Variants in LRRC4C observed in about 807,000 individuals in gnomAD.
The protein encoded by LRRC4C is leucine rich repeat containing 4C.
A neutral mutation model predicts 33.6 loss-of-function variants in LRRC4C; 5 were observed. That is an observed-to-expected ratio of 0.15 (90% CI 0.08 to 0.31). The LOEUF (loss-of-function observed/expected upper bound fraction) is 0.31. Among genes scored for constraint, LRRC4C ranks in the 10% least tolerant of loss-of-function variants. LRRC4C has a pLI of 1.00. For synonymous variants in LRRC4C, 329 were observed against 302.0 expected (o/e 1.09, Z -0.93); for missense variants, 560 against 796.7 (o/e 0.70, Z 3.58).
At chr11:40,457,874 C>G (rs1312008759) in intron 3 of LRRC4C, among the ~76,000 whole-genome samples, 1 of 152,118 alleles carries the variant, frequency 6.6e-6, no homozygotes, top group Non-Finnish European at 1.5e-5. Flanking sequence ...GCAGAAGTCT[C>G]TGTTTTTCTT....
chr11:40,512,296 C>A (rs1321098105), intron 3 of LRRC4C, among the ~76,000 whole-genome samples: 1 of 152,128 alleles, frequency 6.6e-6, no homozygotes, highest in African/African-American at 2.4e-5. Flanking sequence ...ATTGCTTCAA[C>A]CCTGGAGGCA....
At chr11:40,964,452 G>A (rs918235044) in intron 1 of LRRC4C, among the ~76,000 whole-genome samples, 5 of 151,674 alleles carry the variant, frequency 3.3e-5, no homozygotes, top group African/African-American at 4.8e-5. Flanking sequence ...CATATGCCAT[G>A]TTGGTGTGCT....
intron 3 of LRRC4C, among the ~76,000 whole-genome samples, chr11:40,458,700 C>A (rs10768601): frequency 0.3 from 45,682 of 152,044 alleles, 7,960 homozygotes; most frequent in South Asian, 0.44. Flanking sequence ...AGGATTCCAA[C>A]AGTCTACTGA....
intron 2 of LRRC4C, among the ~76,000 whole-genome samples, chr11:40,772,650 A>G (rs59001027): frequency 0.11 from 16,392 of 152,242 alleles, 1,282 homozygotes; most frequent in East Asian, 0.41. Context: ...CTACATTGAG[A>G]TATCATCTCA....
At chr11:40,872,342 A>T (rs1357401793) in intron 2 of LRRC4C, among the ~76,000 whole-genome samples, 2 of 151,122 alleles carry the variant, frequency 1.3e-5, no homozygotes, top group African/African-American at 4.8e-5. Flanking sequence ...CAAATGTTTT[A>T]TGCTTGTCAA....
intron 6 of LRRC4C, among the ~76,000 whole-genome samples, chr11:40,134,689 C>A (rs1856854463): frequency 6.6e-6 from 1 of 152,174 alleles, no homozygotes; most frequent in African/African-American, 2.4e-5. Context: ...GCTGAAGTAA[C>A]ATTATGATTT....
chr11:40,679,322 G>GCAATAGGAAAGAAAACCC (rs1237546670), intron 2 of LRRC4C, among the ~76,000 whole-genome samples: 1 of 152,130 alleles, frequency 6.6e-6, no homozygotes, highest in Non-Finnish European at 1.5e-5. Flanking sequence ...GCCTGACAAT[G>GCAATAGGAAAGAAAACCC]CAATAGGAAA....
chr11:40,299,637 TA>T (rs558006124), intron 4 of LRRC4C, among the ~76,000 whole-genome samples: 97 of 152,340 alleles, frequency 6.4e-4, no homozygotes, highest in African/African-American at 2.2e-3. Context: ...AAGAGCCAAT[TA>T]AATGAAGAAC....
chr11:41,120,504 T>C (rs1942367448), intron 1 of LRRC4C, among the ~76,000 whole-genome samples: 1 of 152,158 alleles, frequency 6.6e-6, no homozygotes, highest in Non-Finnish European at 1.5e-5. Flanking sequence ...AATGGAGGAT[T>C]GGAGGTTGGG....
chr11:40,353,532 C>T (rs1267640459), intron 3 of LRRC4C, among the ~76,000 whole-genome samples: 1 of 152,052 alleles, frequency 6.6e-6, no homozygotes, highest in East Asian at 1.9e-4. Context: ...TCCTGGCCAA[C>T]ATGGCAAAAC....
chr11:41,391,543 G>A (rs187927787), intron 1 of LRRC4C, among the ~76,000 whole-genome samples: 7 of 152,046 alleles, frequency 4.6e-5, no homozygotes, highest in South Asian at 2.1e-4. Context: ...AGGCATGAAT[G>A]ATGCCCACGT....
chr11:40,391,123 C>T (rs1390963529), intron 3 of LRRC4C, among the ~76,000 whole-genome samples: 1 of 152,044 alleles, frequency 6.6e-6, no homozygotes, highest in African/African-American at 2.4e-5. Flanking sequence ...CTCGATCTGC[C>T]CACCTCAGTC....
intron 3 of LRRC4C, among the ~76,000 whole-genome samples, chr11:40,584,223 G>A (rs1958607843): frequency 1.1e-5 from 1 of 91,770 alleles, no homozygotes; most frequent in African/African-American, 3.9e-5. Flanking sequence ...TTGTGATGGG[G>A]GGACAGTCTT....
intron 1 of LRRC4C, among the ~76,000 whole-genome samples, chr11:41,316,262 C>CAAAAAAAAAAAAAAAAAAA (rs60671406): frequency 1.8e-4 from 14 of 78,004 alleles, no homozygotes; most frequent in East Asian, 6.3e-4. Context: ...CTCTGGATGG[C>CAAAAAAAAAAAAAAAAAAA]AAAAAAAAAA....
At chr11:40,699,161 G>GAAAAGTTT (rs1357321911) in intron 2 of LRRC4C, among the ~76,000 whole-genome samples, 2 of 152,110 alleles carry the variant, frequency 1.3e-5, no homozygotes, top group Non-Finnish European at 2.9e-5. Flanking sequence ...TCTAAATTTT[G>GAAAAGTTT]AAAAGTTTTG....
At chr11:40,336,446 A>G (rs2136973418) in intron 3 of LRRC4C, among the ~76,000 whole-genome samples, 1 of 152,300 alleles carries the variant, frequency 6.6e-6, no homozygotes, top group South Asian at 2.1e-4. Context: ...CGCAGGCTAC[A>G]GAAGTCAGTC....
intron 1 of LRRC4C, among the ~76,000 whole-genome samples, chr11:41,030,313 A>G (rs1425848387): frequency 6.6e-6 from 1 of 151,802 alleles, no homozygotes; most frequent in Non-Finnish European, 1.5e-5. Flanking sequence ...AAAATATTAA[A>G]CCTAAGGGAG....
At chr11:40,657,492 A>G (rs961545168) in intron 2 of LRRC4C, among the ~76,000 whole-genome samples, 1 of 152,136 alleles carries the variant, frequency 6.6e-6, no homozygotes, top group East Asian at 1.9e-4. Context: ...CTCCCATTCT[A>G]TTCAGTTATC....
At chr11:41,032,469 TA>T (rs1482313762) in intron 1 of LRRC4C, among the ~76,000 whole-genome samples, 1 of 152,098 alleles carries the variant, frequency 6.6e-6, no homozygotes, top group African/African-American at 2.4e-5. Flanking sequence ...GGTTTTTTTT[TA>T]GATCTATTGT....
Sources: allele counts gnomAD v4.1 joint callset (sites outside exome capture counted in the v4.1 genomes callset), GRCh38; gene constraint gnomAD v4.1.1; transcripts MANE v1.5; gene names NCBI Gene and HGNC (gene_info 2026-07-23, HGNC 2026-07-21).